Variants in AK3 observed in about 807,000 individuals in gnomAD.
AK3 encodes GTP:AMP phosphotransferase AK3, mitochondrial.
AK3 carries 27 observed loss-of-function variants against 23.7 expected under a neutral mutation model. That is an observed-to-expected ratio of 1.14 (90% CI 0.84 to 1.57). The LOEUF (loss-of-function observed/expected upper bound fraction) is 1.57. AK3 is among the 40% of genes most tolerant of loss of function. AK3 has a pLI of 0.00. For missense variants in AK3, 406 were observed against 285.6 expected (o/e 1.42, Z -3.04); for synonymous variants, 159 against 116.0 (o/e 1.37, Z -2.38).
chr9:4,737,939 T>A (rs2130916457), intron 1 of AK3, among the ~76,000 whole-genome samples: 1 of 152,256 alleles, frequency 6.6e-6, no homozygotes, highest in Admixed American at 6.5e-5. Flanking sequence ...AGCACCCTCA[T>A]GAAACAATGA....
At chr9:4,740,393 A>C (rs1035305680) in intron 1 of AK3, among the ~76,000 whole-genome samples, 1 of 152,222 alleles carries the variant, frequency 6.6e-6, no homozygotes, top group African/African-American at 2.4e-5. Flanking sequence ...AGGATATCAA[A>C]ATGAGATAAT....
intron 1 of AK3, among the ~76,000 whole-genome samples, chr9:4,737,363 G>A (rs1842321270): frequency 6.6e-6 from 1 of 152,238 alleles, no homozygotes; most frequent in East Asian, 1.9e-4. Flanking sequence ...AGAGAAAAGA[G>A]TATTTAACAT....
intron 2 of AK3, among the ~76,000 whole-genome samples, chr9:4,719,626 C>A (rs531292288): frequency 6.6e-6 from 1 of 152,214 alleles, no homozygotes; most frequent in South Asian, 2.1e-4. Context: ...ATGGGTGGGC[C>A]TTATCTAATC....
In AK3 at chr9:4,712,813, T is replaced by A. The variant is rs1397467876; in HGVS notation, c.*163A>T. 1.4e-6 allele frequency: 1 copy of A among 718,768 alleles called. No individual in the cohort carries two copies. The highest frequency in any genetic ancestry group is 2.1e-6 in the Non-Finnish European group (1 of 474,560). 44.5% of individuals were successfully genotyped at this position (718,768 alleles called of 1,614,324 possible). On this transcript the variant is annotated 3_prime_UTR_variant, in exon 5 of 5. Coordinates refer to ENST00000381809, the MANE Select transcript of AK3 (RefSeq NM_016282.4). ...CAAACGATGCATCTTAGTATCCGAA[T>A]CATTTGGCACATCCTTAGTATCCAA...
chr9:4,740,701 C>A (rs1185438231), intron 1 of AK3, among the ~76,000 whole-genome samples: 1 of 152,152 alleles, frequency 6.6e-6, no homozygotes, highest in Non-Finnish European at 1.5e-5. Flanking sequence ...ACTTCGAGCT[C>A]GACCTAACTT....
At chr9:4,735,500 CAG>C (rs202006397) in intron 1 of AK3, among the ~76,000 whole-genome samples, 8,686 of 91,272 alleles carry the variant, frequency 0.095, 1,038 homozygotes, top group East Asian at 0.33. Context: ...TTTTTGGAAA[CAG>C]AGTCTCACTG....
At chr9:4,720,559 G>A (rs1219863526) in intron 2 of AK3, among the ~76,000 whole-genome samples, 1 of 151,694 alleles carries the variant, frequency 6.6e-6, no homozygotes, top group Non-Finnish European at 1.5e-5. Flanking sequence ...GCGTGGTGGT[G>A]CATGCCTATG....
At chr9:4,720,530 C>T (rs181782237) in intron 2 of AK3, among the ~76,000 whole-genome samples, 26 of 151,782 alleles carry the variant, frequency 1.7e-4, no homozygotes, top group South Asian at 1.2e-3. Context: ...TAAATAACAA[C>T]GACAACAAAA....
At position 4,718,548 on chromosome 9, in the gene AK3, T is replaced by C; in HGVS notation, c.445-11A>G. 1 of 1,563,558 alleles carries C rather than the reference T, an allele frequency of 6.4e-7. No individual in the cohort carries two copies. The highest frequency in any genetic ancestry group is 1.1e-5 in the South Asian group (1 of 89,662). ...CAGGTCATCAATGCCCTAAACAGGA[T>C]TAGAAGAGACTAGTATCAGATATCA... On this transcript the variant is annotated splice_polypyrimidine_tract_variant and intron_variant, in intron 3 of 4. Transcript: ENST00000381809.
intron 1 of AK3, among the ~76,000 whole-genome samples, chr9:4,728,258 AAAC>A (rs1470501130): frequency 6.6e-6 from 1 of 152,250 alleles, no homozygotes; most frequent in Non-Finnish European, 1.5e-5. Context: ...AAGCACAATA[AAAC>A]AACATATGCC....
In AK3 at chr9:4,734,581, G is replaced by A. The variant is rs563587385; in HGVS notation, c.151+6356C>T. Among the ~76,000 whole-genome samples, 276 of 152,296 alleles carry A rather than the reference G, an allele frequency of 1.8e-3. 1 individual carries two copies. Among genetic ancestry groups the A allele is most frequent in the African/African-American group, 6.5e-3 (271 of 41,556 alleles). On this transcript the variant is annotated intron_variant, in intron 1 of 4. Transcript: ENST00000381809. The stretch of plus-strand genomic sequence containing the variant: ...TGGATTCTACTAGATTCTAGCCATG[G>A]AATTTTAAAAGGCCTAACTTATTTT...
chr9:4,740,598 C>T (rs1469478370), intron 1 of AK3, among the ~76,000 whole-genome samples: 1 of 152,234 alleles, frequency 6.6e-6, no homozygotes, highest in Admixed American at 6.5e-5. Flanking sequence ...GTTGAACAAG[C>T]TGCGGCTCAG....
Position 4,712,727 on chromosome 9 carries a change from T to C in AK3, c.*249A>G. ...TTTAATTTTGCTCTAACAGATGTTT[T>C]AAAGGTTCAGACATCGCTGATGTTT... On this transcript the variant is annotated 3_prime_UTR_variant, in exon 5 of 5. Coordinates refer to ENST00000381809, the MANE Select transcript of AK3 (RefSeq NM_016282.4). 1 of 281,464 alleles carries C rather than the reference T, an allele frequency of 3.6e-6. No homozygotes were observed. The allele number at this position is 281,464 out of a possible 1,614,324, so 17.4% of individuals were successfully genotyped here. A position where few individuals can be genotyped will look rare whatever the true frequency, so the allele number is the denominator to read the frequency against.
At chr9:4,736,597 G>C (rs1296672170) in intron 1 of AK3, among the ~76,000 whole-genome samples, 1 of 151,830 alleles carries the variant, frequency 6.6e-6, no homozygotes, top group African/African-American at 2.4e-5. Context: ...CAGAAGTCTT[G>C]AAGATTATCT....
chr9:4,741,258 G>A (rs949166569), upstream of AK3: 8 of 658,074 alleles, frequency 1.2e-5, no homozygotes, highest in Middle Eastern at 4.7e-4. Context: ...CGCCCAGACA[G>A]CGCGGGACCC....
At chr9:4,715,776 T>C (rs1841710074) in intron 4 of AK3, among the ~76,000 whole-genome samples, 1 of 152,140 alleles carries the variant, frequency 6.6e-6, no homozygotes, top group African/African-American at 2.4e-5. Context: ...TTATCATTCA[T>C]AGCCTTGCAG....
rs1358615805 is a variant in AK3 at position 4,741,076 on chromosome 9, G to C, written c.12C>G (p.Ser4=). The C allele has an allele frequency of 6.5e-7, 1 of 1,546,198 alleles. No individual in the cohort carries two copies. Among genetic ancestry groups the C allele is most frequent in the Non-Finnish European group, 8.7e-7 (1 of 1,148,232 alleles). The change falls in exon 1 of 5, where the codon TCC becomes TCG. Residue 4 remains serine, a synonymous_variant. Transcript: ENST00000381809. MGA[S]ARLLRAVIMG... is the part of the protein sequence containing the mutation. Reference sequence around the variant, plus strand: ...TGATCACCGCTCGCAGCAGCCGCGCGGACGCCCCCATGGCCGCAGACTGAG... The same window carrying C: ...TGATCACCGCTCGCAGCAGCCGCGCCGACGCCCCCATGGCCGCAGACTGAG...
At chr9:4,718,744 A>C (rs879673689) in intron 3 of AK3, among the ~76,000 whole-genome samples, 19 of 150,764 alleles carry the variant, frequency 1.3e-4, no homozygotes, top group Non-Finnish European at 2.2e-4. Flanking sequence ...GTTATCAGTC[A>C]CTTTAGCCTT....
At chr9:4,735,426 A>AATATATACATAGTATATGTGT (rs1842263812) in intron 1 of AK3, among the ~76,000 whole-genome samples, 2 of 97,738 alleles carry the variant, frequency 2.0e-5, no homozygotes, top group South Asian at 2.8e-4. Flanking sequence ...TACATATATA[A>AATATATACATAGTATATGTGT]ATATATATAT....
Sources: gnomAD v4.1 joint callset for allele counts (sites outside exome capture counted in the v4.1 genomes callset) on GRCh38, gnomAD v4.1.1 for gene constraint, MANE v1.5 for transcripts, NCBI Gene and HGNC (gene_info 2026-07-23, HGNC 2026-07-21) for gene names.